Variants in RBM6 observed in about 807,000 individuals in gnomAD.
RBM6 encodes RNA binding motif protein 6.
In RBM6, 23 loss-of-function variants were observed where a neutral mutation model predicts 140.4. That is an observed-to-expected ratio of 0.16 (90% CI 0.12 to 0.23). The LOEUF (loss-of-function observed/expected upper bound fraction) is 0.23. RBM6 is among the 10% of genes least tolerant of loss of function. RBM6 has a pLI of 1.00. For synonymous variants in RBM6, 439 were observed against 475.6 expected (o/e 0.92, Z 1.00); for missense variants, 1,139 against 1,386.7 (o/e 0.82, Z 2.84).
intron 1 of RBM6, among the ~76,000 whole-genome samples, chr3:49,956,834 T>A (rs1473657508): frequency 6.7e-6 from 1 of 150,078 alleles, no homozygotes; most frequent in Non-Finnish European, 1.5e-5. Flanking sequence ...CCCAGCTAAT[T>A]TTGTATTTTT....
chr3:49,970,323 C>A (rs1453427617), intron 3 of RBM6, among the ~76,000 whole-genome samples: 1 of 152,034 alleles, frequency 6.6e-6, no homozygotes, highest in Non-Finnish European at 1.5e-5. Flanking sequence ...CAAGCAGTCC[C>A]CCCACCTTAG....
rs1473439217 is a variant in RBM6 at position 50,077,066 on chromosome 3, A to G, written c.3305A>G (p.Gln1102Arg). ...VGASGRTSKR[Q>R]SNETYRDAVR... ...GCCTCAGGAAGAACCAGCAAAAGAC[A>G]GTCCAACGAGACTTACCGAGATGCT... Residue 1102 changes from glutamine (Q) to arginine (R), a missense_variant, in exon 21 of 21, where the codon CAG becomes CGG. Physicochemically the swap from Gln to Arg is conservative, Grantham distance 43. This residue lies in a region of RBM6 where 125 missense variants were observed against 142.0 expected (regional missense o/e 0.88). Coordinates refer to ENST00000266022, the MANE Select transcript of RBM6 (RefSeq NM_005777.3). 6.2e-6 allele frequency: 10 copies of G among 1,613,304 alleles called. No homozygotes were observed. Among genetic ancestry groups the G allele is most frequent in the Non-Finnish European group, 8.5e-6 (10 of 1,179,860 alleles).
chr3:49,972,934 A>T (rs1158619388), intron 4 of RBM6, among the ~76,000 whole-genome samples: 1 of 151,524 alleles, frequency 6.6e-6, no homozygotes, highest in Non-Finnish European at 1.5e-5. Flanking sequence ...CAGTTCAAGC[A>T]GTTCTCCTGC....
chr3:49,941,976 T>C (rs1283424702), intron 1 of RBM6, among the ~76,000 whole-genome samples: 1 of 151,744 alleles, frequency 6.6e-6, no homozygotes, highest in African/African-American at 2.4e-5. Flanking sequence ...GGCATGCTCC[T>C]GTTAGCCCTA....
At chr3:50,051,110 T>G (rs1449065246) in intron 7 of RBM6, among the ~76,000 whole-genome samples, 1 of 151,698 alleles carries the variant, frequency 6.6e-6, no homozygotes, top group East Asian at 1.9e-4. Context: ...GAGGCTAAAG[T>G]GGGCAGATCA....
chr3:49,946,815 G>A (rs1389079877), intron 1 of RBM6, among the ~76,000 whole-genome samples: 1 of 150,522 alleles, frequency 6.6e-6, no homozygotes, highest in Non-Finnish European at 1.5e-5. Flanking sequence ...GATTACAGGT[G>A]TGAGCCATCT....
intron 1 of RBM6, among the ~76,000 whole-genome samples, chr3:49,944,474 CTTTTT>C (rs34463596): frequency 1.5e-5 from 2 of 132,292 alleles, no homozygotes; most frequent in African/African-American, 2.8e-5. Flanking sequence ...GTACAAATAT[CTTTTT>C]TTTTTTTTTT....
At chr3:49,942,098 C>CA (rs71631037) in intron 1 of RBM6, among the ~76,000 whole-genome samples, 71,310 of 138,804 alleles carry the variant, frequency 0.51, 18,253 homozygotes, top group African/African-American at 0.63. Flanking sequence ...AAGACTGTCT[C>CA]AAAAAAAAAA....
chr3:50,025,606 T>TTTTTTTTGAGACGG, intron 6 of RBM6, among the ~76,000 whole-genome samples: 1 of 140,354 alleles, frequency 7.1e-6, no homozygotes, highest in Non-Finnish European at 1.5e-5. Flanking sequence ...TTTTTTTTTT[T>TTTTTTTTGAGACGG]AAGAGACAGG....
intron 9 of RBM6, 64 bp from the exon 10 acceptor site, chr3:50,058,338 G>A: frequency 6.6e-7 from 1 of 1,508,108 alleles, no homozygotes; most frequent in Non-Finnish European, 9.2e-7. Context: ...TCAGATTCTT[G>A]GGACTTCAAA....
At chr3:49,958,730 A>G (rs2084128437) in intron 1 of RBM6, among the ~76,000 whole-genome samples, 1 of 151,538 alleles carries the variant, frequency 6.6e-6, no homozygotes, top group Non-Finnish European at 1.5e-5. Context: ...CAGCCTTGGC[A>G]ACAGAGCGAG....
intron 6 of RBM6, among the ~76,000 whole-genome samples, chr3:50,027,470 A>G (rs955525620): frequency 2.0e-5 from 3 of 152,124 alleles, no homozygotes; most frequent in Non-Finnish European, 4.4e-5. Flanking sequence ...GAAACTATAT[A>G]TCCATTAAGA....
chr3:49,962,203 C>T (rs1027219748), intron 1 of RBM6, among the ~76,000 whole-genome samples: 1 of 144,264 alleles, frequency 6.9e-6, no homozygotes, highest in Non-Finnish European at 1.5e-5. Flanking sequence ...CCTGTAATCT[C>T]ACACTTTGGG....
At chr3:49,972,535 C>T (rs1382778452) in intron 4 of RBM6, among the ~76,000 whole-genome samples, 1 of 152,094 alleles carries the variant, frequency 6.6e-6, no homozygotes, top group Non-Finnish European at 1.5e-5. Context: ...GCCTAACTGC[C>T]CTGTATCAAA....
intron 2 of RBM6, among the ~76,000 whole-genome samples, chr3:49,963,327 G>A (rs1218513996): frequency 1.3e-5 from 2 of 151,806 alleles, no homozygotes; most frequent in African/African-American, 4.8e-5. Context: ...TCCGCCTCCC[G>A]TGTTCAAGTG....
chr3:50,069,123 T>G (rs572245977), intron 18 of RBM6, among the ~76,000 whole-genome samples: 1 of 152,290 alleles, frequency 6.6e-6, no homozygotes, highest in South Asian at 2.1e-4. Flanking sequence ...AGGAAGTAGC[T>G]TAGTGTCAGA....
At chr3:50,013,235 C>T (rs1365682946) in intron 6 of RBM6, among the ~76,000 whole-genome samples, 3 of 151,964 alleles carry the variant, frequency 2.0e-5, no homozygotes, top group African/African-American at 7.3e-5. Flanking sequence ...ATGTGGAAGG[C>T]GATTGGGATT....
rs368731550 is a variant in RBM6, at chr3:49,982,207, T to C, written c.1483+6815T>C. Reference sequence around the variant, plus strand: ...GGTCTGTTGCCTGGCATTTTGGGTCTACTGAAAGTGACGTTGTAGCAAAGG... The same window carrying C: ...GGTCTGTTGCCTGGCATTTTGGGTCCACTGAAAGTGACGTTGTAGCAAAGG... On this transcript the variant is annotated intron_variant, in intron 5 of 20. Transcript: ENST00000266022. Among the ~76,000 whole-genome samples the C allele has an allele frequency of 1.2e-4, 18 of 151,850 alleles. No homozygotes were observed. In the East Asian group the frequency reaches 2.3e-3, roughly 20 times the overall value.
chr3:50,017,429 G>A (rs2108784146), intron 6 of RBM6, among the ~76,000 whole-genome samples: 1 of 152,004 alleles, frequency 6.6e-6, no homozygotes, highest in East Asian at 1.9e-4. Flanking sequence ...GTGGTGGTGG[G>A]CGCCTGAAGT....
Sources: allele counts gnomAD v4.1 joint callset (sites outside exome capture counted in the v4.1 genomes callset), GRCh38; gene constraint gnomAD v4.1.1; regional missense constraint gnomAD v4.1.1; transcripts MANE v1.5; gene names NCBI Gene and HGNC (gene_info 2026-07-23, HGNC 2026-07-21).